The following PTPN14 variants were observed in gnomAD, a reference collection of about 807,000 sequenced individuals.
PTPN14 encodes tyrosine-protein phosphatase non-receptor type 14.
PTPN14 carries 53 observed loss-of-function variants against 126.8 expected under a neutral mutation model. The observed-to-expected ratio is 0.42, with a 90% CI of 0.34 to 0.53. PTPN14 has a LOEUF of 0.53. Among genes scored for constraint, PTPN14 ranks in the 20% least tolerant of loss-of-function variants. The pLI is 0.08. For missense variants in PTPN14, 1,257 were observed against 1,552.9 expected, an observed-to-expected ratio of 0.81 and a Z score of 3.20; for synonymous variants, 630 against 599.3, an observed-to-expected ratio of 1.05 and a Z score of -0.75.
intron 1 of PTPN14, among the ~76,000 whole-genome samples, chr1:214,546,815 C>T (rs1332688300): frequency 6.6e-6 from 1 of 152,096 alleles, no homozygotes; most frequent in Non-Finnish European, 1.5e-5. Context: ...CCTAAGGAAA[C>T]TAAGCTAAAT....
chr1:214,429,844 A>G (rs910606999), intron 3 of PTPN14, among the ~76,000 whole-genome samples: 4 of 152,188 alleles, frequency 2.6e-5, no homozygotes, highest in Non-Finnish European at 5.9e-5. Context: ...ACATTTTTTC[A>G]AAACAGGGTT....
At chr1:214,446,079 CAG>C (rs1309992261) in intron 3 of PTPN14, among the ~76,000 whole-genome samples, 1 of 152,066 alleles carries the variant, frequency 6.6e-6, no homozygotes, top group East Asian at 1.9e-4. Context: ...TTTTAACCAA[CAG>C]GGGAAAACTA....
chr1:214,538,035 T>C (rs1292517101), intron 1 of PTPN14, among the ~76,000 whole-genome samples: 1 of 152,188 alleles, frequency 6.6e-6, no homozygotes, highest in African/African-American at 2.4e-5. Context: ...GACAGCAATA[T>C]CCCAACTCAG....
At position 214,357,975 on chromosome 1, in the gene PTPN14, T is replaced by G; in HGVS notation, c.3511A>C (p.Lys1171Gln). Residue 1171 changes from lysine to glutamine, a missense_variant, in exon 19 of 19, where the codon AAG (lysine) becomes CAG (glutamine). Physicochemically the swap from Lys to Gln is moderately conservative, Grantham distance 53 (BLOSUM62 1). Coordinates refer to ENST00000366956, the MANE Select transcript of PTPN14 (RefSeq NM_005401.5). ...MFMIQTIAQY[K>Q]FVYQVLIQFL... ...TGGATGAGGACTTGGTAGACAAACT[T>G]GTACTGAGCGATAGTCTGGATCATG... 6.2e-7 allele frequency: 1 copy of G among 1,613,464 alleles called. No homozygotes were observed. Among genetic ancestry groups the G allele is most frequent in the Non-Finnish European group, 8.5e-7 (1 of 1,179,596 alleles).
chr1:214,450,376 G>C (rs983567490), intron 3 of PTPN14, among the ~76,000 whole-genome samples: 1 of 151,418 alleles, frequency 6.6e-6, no homozygotes, highest in South Asian at 2.1e-4. Flanking sequence ...GGAGGCTGAG[G>C]CACGAGAATC....
chr1:214,371,393 C>T (rs559501936), intron 16 of PTPN14, among the ~76,000 whole-genome samples: 7 of 152,310 alleles, frequency 4.6e-5, no homozygotes, highest in Admixed American at 3.3e-4. Flanking sequence ...TAGTAGGAGT[C>T]CCCTAGCGTG....
chr1:214,459,740 T>G (rs1660466860), intron 2 of PTPN14, among the ~76,000 whole-genome samples: 2 of 152,096 alleles, frequency 1.3e-5, no homozygotes, highest in African/African-American at 2.4e-5. Context: ...GTGCTGAGAT[T>G]ACAGGCGCAA....
At chr1:214,454,217 T>C (rs756878591) in intron 2 of PTPN14, among the ~76,000 whole-genome samples, 2 of 152,242 alleles carry the variant, frequency 1.3e-5, no homozygotes, top group African/African-American at 2.4e-5. Context: ...AACTTCACAA[T>C]TGCTTAACAG....
intron 1 of PTPN14, among the ~76,000 whole-genome samples, chr1:214,537,528 T>C (rs2102478992): frequency 6.6e-6 from 1 of 152,344 alleles, no homozygotes; most frequent in South Asian, 2.1e-4. Flanking sequence ...AGGCCAAAGA[T>C]AGTGCTTACT....
intron 1 of PTPN14, chr1:214,532,723 C>A: frequency 1.3e-6 from 1 of 786,058 alleles, no homozygotes. Flanking sequence ...TGGAGAGCAG[C>A]ATTACGGGCT....
chr1:214,395,307 T>C (rs1658852098), intron 8 of PTPN14, among the ~76,000 whole-genome samples: 2 of 152,136 alleles, frequency 1.3e-5, no homozygotes, highest in Non-Finnish European at 2.9e-5. Context: ...ACAAAACATT[T>C]CCCATGACCA....
At chr1:214,441,985 A>G (rs937163636) in intron 3 of PTPN14, among the ~76,000 whole-genome samples, 3 of 152,258 alleles carry the variant, frequency 2.0e-5, no homozygotes, top group African/African-American at 7.2e-5. Flanking sequence ...GAATGAATGT[A>G]TCTTTGAAAA....
intron 3 of PTPN14, among the ~76,000 whole-genome samples, chr1:214,430,220 TGAGCCCTTGATACTG>T (rs1558098741): frequency 1.3e-5 from 2 of 152,200 alleles, no homozygotes; most frequent in Non-Finnish European, 2.9e-5. Context: ...CATCCATCAG[TGAGCCCTTGATACTG>T]ATGGGAGCTA....
intron 3 of PTPN14, among the ~76,000 whole-genome samples, chr1:214,425,624 T>C (rs1361642346): frequency 1.3e-5 from 2 of 152,196 alleles, no homozygotes; most frequent in African/African-American, 4.8e-5. Context: ...ACATACTGGC[T>C]GAAAGAAACT....
chr1:214,380,616 C>T (rs1246526241), intron 13 of PTPN14, among the ~76,000 whole-genome samples: 1 of 152,168 alleles, frequency 6.6e-6, no homozygotes, highest in African/African-American at 2.4e-5. Flanking sequence ...AGGGCAAATT[C>T]TCACCATACC....
At chr1:214,360,331 GCAGTGGTGCAATCA>G (rs764810422) in intron 18 of PTPN14, among the ~76,000 whole-genome samples, 7 of 152,160 alleles carry the variant, frequency 4.6e-5, no homozygotes, top group South Asian at 2.1e-4. Flanking sequence ...GGGCTAGAGT[GCAGTGGTGCAATCA>G]CAGTGGTGCA....
At chr1:214,493,493 C>G (rs1311885812) in intron 1 of PTPN14, among the ~76,000 whole-genome samples, 3 of 151,902 alleles carry the variant, frequency 2.0e-5, no homozygotes, top group African/African-American at 7.3e-5. Context: ...AGCTCATGTG[C>G]TCCATAAGTA....
chr1:214,369,005 AT>A (rs1658151772), intron 17 of PTPN14, among the ~76,000 whole-genome samples: 1 of 152,074 alleles, frequency 6.6e-6, no homozygotes, highest in Non-Finnish European at 1.5e-5. Flanking sequence ...TAATTTCCCA[AT>A]CCCCCTTTGC....
chr1:214,372,853 A>G lies in PTPN14; in HGVS notation c.2908-14T>C. 6.2e-7 allele frequency: 1 copy of G among 1,613,598 alleles called. No individual in the cohort carries two copies. Among genetic ancestry groups the G allele is most frequent in the Non-Finnish European group, 8.5e-7 (1 of 1,179,660 alleles). ...GCCAACCACCACCTAAAAACCAAGAAAAGTATCGGTAAATAAACCCCAAGT... is the reference window on the plus strand; with the variant it reads ...GCCAACCACCACCTAAAAACCAAGAGAAGTATCGGTAAATAAACCCCAAGT... On this transcript the variant is annotated splice_polypyrimidine_tract_variant and intron_variant, in intron 15 of 18. Coordinates refer to ENST00000366956, the MANE Select transcript of PTPN14 (RefSeq NM_005401.5).
Sources: gnomAD v4.1 joint callset for allele counts (sites outside exome capture counted in the v4.1 genomes callset) on GRCh38, gnomAD v4.1.1 for gene constraint, MANE v1.5 for transcripts, NCBI Gene and HGNC (gene_info 2026-07-23, HGNC 2026-07-21) for gene names.